The following MARCHF7 variants were observed in gnomAD, a reference collection of about 807,000 sequenced individuals.
MARCHF7 encodes membrane associated ring-CH-type finger 7.
In MARCHF7, 20 loss-of-function variants were observed where a neutral mutation model predicts 76.5. The ratio of observed to expected loss-of-function variants is 0.26; its 90% confidence interval spans 0.18 to 0.38. MARCHF7 has a LOEUF of 0.38. Ranked by LOEUF, MARCHF7 falls within the 10% of genes least tolerant of loss-of-function variation. The pLI, the probability that MARCHF7 is intolerant of heterozygous loss-of-function variation, is 1.00. For missense variants in MARCHF7, 797 were observed against 812.9 expected (o/e 0.98, Z 0.24); for synonymous variants, 295 against 293.0 (o/e 1.01, Z -0.07).
intron 3 of MARCHF7, among the ~76,000 whole-genome samples, chr2:159,721,109 C>T (rs1198408787): frequency 6.6e-6 from 1 of 151,738 alleles, no homozygotes; most frequent in South Asian, 2.1e-4. Context: ...TTGTGATTCA[C>T]CCTCCTCGGC....
intron 8 of MARCHF7, among the ~76,000 whole-genome samples, chr2:159,758,906 A>G (rs886147222): frequency 6.6e-6 from 1 of 152,328 alleles, no homozygotes; most frequent in African/African-American, 2.4e-5. Context: ...AGGAGGAAGT[A>G]GGAAGTACAG....
At chr2:159,713,646 T>G (rs577933163) in intron 1 of MARCHF7, among the ~76,000 whole-genome samples, 8 of 152,342 alleles carry the variant, frequency 5.3e-5, no homozygotes, top group African/African-American at 1.7e-4. Flanking sequence ...GTAGTGTAAC[T>G]AGATCTTTTA....
chr2:159,749,475 G>C (rs1169933541), intron 7 of MARCHF7, among the ~76,000 whole-genome samples: 2 of 151,962 alleles, frequency 1.3e-5, no homozygotes, highest in Non-Finnish European at 2.9e-5. Flanking sequence ...AGCCTCCCAA[G>C]TAGCTGGGAT....
chr2:159,719,180 C>T (rs190693129), intron 3 of MARCHF7, among the ~76,000 whole-genome samples: 149 of 152,136 alleles, frequency 9.8e-4, no homozygotes, highest in African/African-American at 3.5e-3. Context: ...GAGGTTTCAC[C>T]GTGTTGGCCA....
rs757329525 is a variant in MARCHF7 at position 159,748,536 on chromosome 2, G to A, written c.1246G>A (p.Asp416Asn). The A allele has an allele frequency of 3.7e-6, 6 of 1,614,042 alleles. No individual in the cohort carries two copies. The African/African-American group carries it at 6.7e-5, about 18-fold the overall frequency. Residue 416 changes from aspartate (D) to asparagine (N), a missense_variant, in exon 7 of 12, where the codon GAT becomes AAT. Physicochemically the swap from Asp to Asn is conservative, Grantham distance 23 (BLOSUM62 1). Coordinates refer to ENST00000409175, the MANE Select transcript of MARCHF7 (RefSeq NM_001282805.2). ...TGAATCTTCAAGGATACCTACCTCT[G>A]ATACATCATCTAGATCTCATATTTT... ...RDESSRIPTS[D>N]TSSRSHIFRR...
rs1708107195 is a variant in MARCHF7 at position 159,770,503 on chromosome 2, G to GAT, written c.*3163_*3164dup. 1.3e-5 allele frequency: 2 copies of GAT among 152,168 alleles called. No homozygotes were observed. The highest frequency in any genetic ancestry group is 2.9e-5 in the Non-Finnish European group (2 of 68,022). The allele number at this position is 152,168 out of a possible 1,614,324, so 9.4% of individuals were successfully genotyped here. On this transcript the variant is annotated 3_prime_UTR_variant, in exon 12 of 12. Transcript: ENST00000409175. Reference sequence around the variant, plus strand: ...TTGTTGCCATTAGTCAAGCTAGTGAGATAGTATATCTATCTATCTCCCCAG... The same window carrying GAT: ...TTGTTGCCATTAGTCAAGCTAGTGAGATATAGTATATCTATCTATCTCCCCAG...
chr2:159,741,350 C>CA (rs1025208009), intron 4 of MARCHF7, among the ~76,000 whole-genome samples: 91 of 150,224 alleles, frequency 6.1e-4, no homozygotes, highest in African/African-American at 1.4e-3. Flanking sequence ...GATGCTGTCT[C>CA]AAAAAAAAAC....
At chr2:159,765,291 T>G (rs1191788766) in intron 11 of MARCHF7, among the ~76,000 whole-genome samples, 1 of 152,020 alleles carries the variant, frequency 6.6e-6, no homozygotes, top group African/African-American at 2.4e-5. Context: ...AAGATCACAT[T>G]CCAGCATCAG....
At chr2:159,757,652 CAT>C (rs1377065263) in intron 8 of MARCHF7, among the ~76,000 whole-genome samples, 1 of 152,170 alleles carries the variant, frequency 6.6e-6, no homozygotes, top group Admixed American at 6.5e-5. Flanking sequence ...CCAGAAAAAA[CAT>C]GTAGAAATAA....
chr2:159,761,312 C>T (rs1707037400), intron 9 of MARCHF7, among the ~76,000 whole-genome samples: 1 of 151,638 alleles, frequency 6.6e-6, no homozygotes. Flanking sequence ...GCGTGAGCCA[C>T]CGTGCCTGGC....
intron 3 of MARCHF7, among the ~76,000 whole-genome samples, chr2:159,716,785 T>C (rs1701088679): frequency 6.6e-6 from 1 of 152,224 alleles, no homozygotes. Flanking sequence ...GTTCCCAGGT[T>C]AGACTCAGTT....
chr2:159,731,514 G>A (rs1020305150), intron 4 of MARCHF7, among the ~76,000 whole-genome samples: 1 of 152,086 alleles, frequency 6.6e-6, no homozygotes, highest in African/African-American at 2.4e-5. Flanking sequence ...CAGCACTTTG[G>A]GAGGCCGAGG....
Position 159,767,933 on chromosome 2 carries a change from T to G in MARCHF7, c.*591T>G. 1 of 152,654 alleles carries G rather than the reference T, an allele frequency of 6.6e-6. No homozygotes were observed. Among genetic ancestry groups the G allele is most frequent in the East Asian group, 1.9e-4 (1 of 5,190 alleles). 9.5% of individuals were successfully genotyped at this position (152,654 alleles called of 1,614,324 possible). On this transcript the variant is annotated 3_prime_UTR_variant, in exon 12 of 12. Coordinates refer to ENST00000409175, the MANE Select transcript of MARCHF7 (RefSeq NM_001282805.2). The stretch of plus-strand genomic sequence containing the variant: ...AATTCACCTAGCAATAAAATCTAAT[T>G]TTTAAAAAGTATATAAATATAAAAT...
At chr2:159,734,171 T>G (rs979176244) in intron 4 of MARCHF7, 29 of 1,042,316 alleles carry the variant, frequency 2.8e-5, no homozygotes, top group Non-Finnish European at 3.4e-5. Flanking sequence ...TAATTTTGTT[T>G]TGGTGTATTT....
intron 8 of MARCHF7, among the ~76,000 whole-genome samples, chr2:159,758,932 C>G (rs1242566054): frequency 6.6e-6 from 1 of 152,174 alleles, no homozygotes; most frequent in South Asian, 2.1e-4. Flanking sequence ...ATTCCATTGC[C>G]TCTGTCTGCT....
At chr2:159,712,705 T>G (rs569025589) in intron 1 of MARCHF7, 99 bp downstream of exon 1, 1 of 152,276 alleles carries the variant, frequency 6.6e-6, no homozygotes, top group Non-Finnish European at 1.5e-5. Flanking sequence ...TGGGCGCTAG[T>G]TCGGGACCAG....
At chr2:159,763,016 A>G (rs549621677) in intron 10 of MARCHF7, 23 bp downstream of exon 10, 2 of 1,510,340 alleles carry the variant, frequency 1.3e-6, no homozygotes, top group Admixed American at 1.7e-5. Flanking sequence ...GAAGTTGGGG[A>G]GAGGGAGGGT....
In MARCHF7 at chr2:159,762,791, T is replaced by TAAC. The variant is rs1707270006; in HGVS notation, c.1894-89_1894-88insAAC. On this transcript the variant is annotated intron_variant, in intron 9 of 11. Coordinates refer to ENST00000409175, the MANE Select transcript of MARCHF7 (RefSeq NM_001282805.2). ...TGGATATGAATACATTTCCTCTAGT[T>TAAC]TATCAGTGTACTGTGAGTATCAATC... 1.3e-5 allele frequency: 8 copies of TAAC among 605,042 alleles called. No individual in the cohort carries two copies. In the East Asian group the frequency reaches 2.4e-4, roughly 18 times the overall value. 37.5% of individuals were successfully genotyped at this position (605,042 alleles called of 1,614,324 possible).
chr2:159,763,638 T>C (rs1321176249), intron 10 of MARCHF7, among the ~76,000 whole-genome samples: 1 of 152,216 alleles, frequency 6.6e-6, no homozygotes, highest in Admixed American at 6.5e-5. Flanking sequence ...GCCATTATTG[T>C]AGCATTCTGA....
Sources: gnomAD v4.1 joint callset for allele counts (sites outside exome capture counted in the v4.1 genomes callset) on GRCh38, gnomAD v4.1.1 for gene constraint, MANE v1.5 for transcripts, NCBI Gene and HGNC (gene_info 2026-07-23, HGNC 2026-07-21) for gene names.